HECTD4: variants seen among roughly 807,000 people sequenced by gnomAD.
The protein encoded by HECTD4 is probable E3 ubiquitin-protein ligase HECTD4.
HECTD4 carries 114 observed loss-of-function variants against 471.5 expected under a neutral mutation model. That is an observed-to-expected ratio of 0.24 (90% CI 0.21 to 0.28). The LOEUF (loss-of-function observed/expected upper bound fraction) is 0.28. HECTD4 is among the 10% of genes least tolerant of loss of function. The pLI is 1.00. For missense variants in HECTD4, 3,866 were observed against 5,651.5 expected (o/e 0.68, Z 10.13); for synonymous variants, 2,012 against 2,256.0 (o/e 0.89, Z 3.07).
chr12:112,334,635 T>TAAAAA (rs2035908581), intron 1 of HECTD4, among the ~76,000 whole-genome samples: 1 of 34,760 alleles, frequency 2.9e-5, no homozygotes, highest in African/African-American at 1.2e-4. Context: ...CTACTAAAAA[T>TAAAAA]ACAAAAAAAA....
chr12:112,216,936 G>C lies in HECTD4; in HGVS notation c.7237-15C>G. 6.2e-6 allele frequency: 10 copies of C among 1,611,958 alleles called. No homozygotes were observed. The highest frequency in any genetic ancestry group is 8.5e-6 in the Non-Finnish European group (10 of 1,178,140). ...AAAGACGGGGCCTGAAGAGATGCCA[G>C]AAGAGAGCAGCAATCAGAGGGCTAA... On this transcript the variant is annotated splice_polypyrimidine_tract_variant and intron_variant, in intron 46 of 75. Transcript: ENST00000682272.
intron 1 of HECTD4, among the ~76,000 whole-genome samples, chr12:112,340,963 G>A (rs1164536017): frequency 3.3e-5 from 5 of 152,130 alleles, no homozygotes; most frequent in African/African-American, 4.8e-5. Flanking sequence ...CTCCTGAAAT[G>A]AGGCACAAAA....
chr12:112,177,520 C>T (rs544594284), intron 64 of HECTD4, among the ~76,000 whole-genome samples: 2 of 152,224 alleles, frequency 1.3e-5, no homozygotes, highest in South Asian at 4.2e-4. Flanking sequence ...GCTGGGACTA[C>T]AGGCACTCGC....
Position 112,190,916 on chromosome 12 carries a change from C to T in HECTD4, c.9342G>A (p.Leu3114=). 1 of 1,569,974 alleles carries T rather than the reference C, an allele frequency of 6.4e-7. No individual in the cohort carries two copies. The highest frequency in any genetic ancestry group is 8.6e-7 in the Non-Finnish European group (1 of 1,157,660). The part of the protein sequence containing the change: ...GAVLVLHSLP[L]EFPLAMAFAE... ...CGAAGGCCATAGCCAGTGGGAACTCCAGGGGCAGGGAATGTAACACCAGGA... is the reference window on the plus strand; with the variant it reads ...CGAAGGCCATAGCCAGTGGGAACTCTAGGGGCAGGGAATGTAACACCAGGA... The change falls in exon 60 of 76, where the codon CTG becomes CTA. Residue 3114 remains leucine, a synonymous_variant. Coordinates refer to ENST00000682272, the MANE Select transcript of HECTD4 (RefSeq NM_001388303.1).
Position 112,163,288 on chromosome 12 carries a change from C to G in HECTD4, c.12898-24G>C. 6.3e-7 allele frequency: 1 copy of G among 1,590,298 alleles called. No homozygotes were observed. Among genetic ancestry groups the G allele is most frequent in the Non-Finnish European group, 8.6e-7 (1 of 1,164,780 alleles). On this transcript the variant is annotated intron_variant, in intron 74 of 75. Transcript: ENST00000682272. This position sits in a 1 kb window ranked among gnomAD's most constrained non-coding sequence, Gnocchi z 8.2. ...GCCTGGGGAGGAGAGGTCCAGGTGT[C>G]AGGAGCCCTGGAGCCCCACCTACCC...
intron 16 of HECTD4, 65 bp downstream of exon 16, chr12:112,265,110 T>A: frequency 7.0e-7 from 1 of 1,429,508 alleles, no homozygotes; most frequent in Non-Finnish European, 9.6e-7. Flanking sequence ...CACCTGTCAA[T>A]ATAATAAAAT....
At chr12:112,334,158 G>A (rs987874339) in intron 1 of HECTD4, among the ~76,000 whole-genome samples, 6 of 151,622 alleles carry the variant, frequency 4.0e-5, no homozygotes, top group Admixed American at 3.3e-4. Flanking sequence ...GCAGTGGGCC[G>A]AGATCATGCC....
chr12:112,323,854 C>T (rs1222271098), intron 1 of HECTD4, among the ~76,000 whole-genome samples: 1 of 151,538 alleles, frequency 6.6e-6, no homozygotes, highest in Non-Finnish European at 1.5e-5. Flanking sequence ...TCCAACCAGA[C>T]TATAGTTGTA....
rs201475431 is a variant in HECTD4, at chr12:112,175,617, G to A, written c.11594+119C>T. ...ACTTAGGAAAAAACTCAGAAATTAC[G>A]AAATAACTCAGAAAGCATTATCAAC... On this transcript the variant is annotated intron_variant, in intron 66 of 75. Coordinates refer to ENST00000682272, the MANE Select transcript of HECTD4 (RefSeq NM_001388303.1). 3.1e-5 allele frequency: 38 copies of A among 1,238,118 alleles called. No homozygotes were observed. The East Asian group carries it at 7.2e-4, about 23-fold the overall frequency. The allele number at this position is 1,238,118 out of a possible 1,614,324, so 76.7% of individuals were successfully genotyped here.
rs2032797887 is a variant in HECTD4 at position 112,212,668 on chromosome 12, A to G, written c.7466-18T>C. ...CACGTCACCTATAGCAGAGAACGGG[A>G]AGGAAAACATATTTTCTCCCTTTTA... On this transcript the variant is annotated intron_variant, in intron 48 of 75. Transcript: ENST00000682272. 1.3e-6 allele frequency: 2 copies of G among 1,575,906 alleles called. No individual in the cohort carries two copies. The highest frequency in any genetic ancestry group is 4.5e-5 in the East Asian group (2 of 44,218).
At chr12:112,349,077 T>C (rs1037801033) in intron 1 of HECTD4, among the ~76,000 whole-genome samples, 1 of 152,056 alleles carries the variant, frequency 6.6e-6, no homozygotes, top group Non-Finnish European at 1.5e-5. Flanking sequence ...AAATAAAATA[T>C]TTTTACTACT....
At chr12:112,266,847 G>T in intron 14 of HECTD4, 65 bp downstream of exon 14, 1 of 784,884 alleles carries the variant, frequency 1.3e-6, no homozygotes, top group Non-Finnish European at 2.2e-6. Flanking sequence ...ATCTGAATAT[G>T]CAGTTGTTTC....
At chr12:112,176,759 G>C in intron 64 of HECTD4, 57 bp from the exon 65 acceptor site, 1 of 1,230,462 alleles carries the variant, frequency 8.1e-7, no homozygotes, top group Non-Finnish European at 1.2e-6. Flanking sequence ...CTCCCGATAG[G>C]AAATACACAG....
intron 22 of HECTD4, among the ~76,000 whole-genome samples, chr12:112,253,328 T>C (rs1407166583): frequency 1.3e-5 from 2 of 152,020 alleles, no homozygotes; most frequent in Non-Finnish European, 2.9e-5. Flanking sequence ...TTTCATCATG[T>C]TGGCCAGGCT....
chr12:112,338,056 C>T (rs1648963310), intron 1 of HECTD4, among the ~76,000 whole-genome samples: 1 of 152,156 alleles, frequency 6.6e-6, no homozygotes. Flanking sequence ...GGCTAGAAGT[C>T]TGAAATCGGT....
In HECTD4 at chr12:112,212,666, G is replaced by A; in HGVS notation, c.7466-16C>T. ...GCCACGTCACCTATAGCAGAGAACG[G>A]GAAGGAAAACATATTTTCTCCCTTT... On this transcript the variant is annotated splice_polypyrimidine_tract_variant and intron_variant, in intron 48 of 75. Transcript: ENST00000682272. The A allele has an allele frequency of 6.3e-7, 1 of 1,575,782 alleles. No homozygotes were observed. Among genetic ancestry groups the A allele is most frequent in the Non-Finnish European group, 8.6e-7 (1 of 1,159,542 alleles).
At position 112,176,608 on chromosome 12, in the gene HECTD4, T is replaced by C; in HGVS notation, c.11458A>G (p.Lys3820Glu). ...DEKDPEKSPT[K>E]KQEVPEEKYL... The stretch of plus-strand genomic sequence containing the variant: ...TCTGCTCATTCACCTTCTTGTTTTT[T>C]GGTAGGTGACTTTTCTGGGTCCTTT... Residue 3820 changes from lysine (K) to glutamate (E), a missense_variant, in exon 65 of 76, where the codon AAA (lysine) becomes GAA (glutamate). By Grantham distance (56) the Lys-to-Glu change is moderately conservative (BLOSUM62 1). Around this residue, in one of 16 missense-constraint regions of HECTD4, gnomAD observed 715 missense variants for 1,087.6 expected, o/e 0.66. Coordinates refer to ENST00000682272, the MANE Select transcript of HECTD4 (RefSeq NM_001388303.1). 2 of 1,612,910 alleles carry C rather than the reference T, an allele frequency of 1.2e-6. No homozygotes were observed. The highest frequency in any genetic ancestry group is 1.6e-4 in the Middle Eastern group (1 of 6,062).
At chr12:112,380,264 G>T (rs2036863122) in intron 1 of HECTD4, among the ~76,000 whole-genome samples, 1 of 152,074 alleles carries the variant, frequency 6.6e-6, no homozygotes, top group African/African-American at 2.4e-5. Flanking sequence ...GGCCAACATG[G>T]TGAAACCCTG....
At chr12:112,360,217 G>T (rs2036424273) in intron 1 of HECTD4, among the ~76,000 whole-genome samples, 1 of 152,206 alleles carries the variant, frequency 6.6e-6, no homozygotes, top group African/African-American at 2.4e-5. Context: ...TACTTGGGAG[G>T]CTGGGGCAGG....
Sources: gnomAD v4.1 joint callset for allele counts (sites outside exome capture counted in the v4.1 genomes callset) on GRCh38, gnomAD v4.1.1 for gene constraint, gnomAD v4.1.1 regional missense constraint, Gnocchi (gnomAD v3.1) non-coding constraint, MANE v1.5 for transcripts, NCBI Gene and HGNC (gene_info 2026-07-23, HGNC 2026-07-21) for gene names.